Variants in DLG2 observed in about 807,000 individuals in gnomAD.
DLG2 encodes disks large homolog 2.
DLG2 carries 45 observed loss-of-function variants against 132.5 expected under a neutral mutation model. That is an observed-to-expected ratio of 0.34 (90% CI 0.27 to 0.44). The LOEUF (loss-of-function observed/expected upper bound fraction) is 0.44. DLG2 is among the 20% of genes least tolerant of loss of function. DLG2 has a pLI of 1.00. For synonymous variants in DLG2, 424 were observed against 419.6 expected (o/e 1.01, Z -0.13); for missense variants, 1,045 against 1,196.9 (o/e 0.87, Z 1.87).
At chr11:83,827,289 T>C (rs2153990449) in intron 17 of DLG2, among the ~76,000 whole-genome samples, 1 of 152,258 alleles carries the variant, frequency 6.6e-6, no homozygotes, top group Admixed American at 6.5e-5. Flanking sequence ...TACCCCAAGA[T>C]GGAGAATAGT....
intron 6 of DLG2, among the ~76,000 whole-genome samples, chr11:85,100,980 G>A (rs537832284): frequency 3.0e-4 from 46 of 152,232 alleles, no homozygotes; most frequent in African/African-American, 1.1e-3. Flanking sequence ...TAATTCTGAT[G>A]TCTTCTCCAA....
intron 3 of DLG2, among the ~76,000 whole-genome samples, chr11:85,595,293 A>T (rs617246): frequency 1 from 152,163 of 152,168 alleles, 76,079 homozygotes; most frequent in Non-Finnish European, 1. Flanking sequence ...TTTGTTTTGG[A>T]ATATTAATGA....
At chr11:84,821,651 C>CAAAAAA (rs1452375406) in intron 6 of DLG2, among the ~76,000 whole-genome samples, 1 of 121,032 alleles carries the variant, frequency 8.3e-6, no homozygotes, top group Non-Finnish European at 1.8e-5. Context: ...ACAACAACAA[C>CAAAAAA]AAAAAAAACA....
chr11:85,128,628 A>G (rs2075389114), intron 5 of DLG2, among the ~76,000 whole-genome samples: 1 of 152,128 alleles, frequency 6.6e-6, no homozygotes, highest in Non-Finnish European at 1.5e-5. Context: ...ATCCAGAACT[A>G]TTGTCCTATT....
intron 6 of DLG2, among the ~76,000 whole-genome samples, chr11:85,028,124 AG>A (rs1210700649): frequency 2.0e-5 from 3 of 151,894 alleles, no homozygotes; most frequent in African/African-American, 7.3e-5. Flanking sequence ...GTCAATGAAG[AG>A]GGATCTGCAG....
At chr11:83,912,417 A>G (rs2076229627) in intron 15 of DLG2, among the ~76,000 whole-genome samples, 1 of 152,098 alleles carries the variant, frequency 6.6e-6, no homozygotes, top group Non-Finnish European at 1.5e-5. Context: ...GTTCAAACAC[A>G]GTGTCTACCA....
intron 3 of DLG2, among the ~76,000 whole-genome samples, chr11:85,342,859 T>C (rs1163125077): frequency 6.6e-6 from 1 of 152,226 alleles, no homozygotes; most frequent in Non-Finnish European, 1.5e-5. Context: ...AAGCTTAATA[T>C]GTGTATGTAA....
At chr11:84,615,854 C>A (rs971612836) in intron 6 of DLG2, among the ~76,000 whole-genome samples, 1 of 121,884 alleles carries the variant, frequency 8.2e-6, no homozygotes, top group Non-Finnish European at 1.7e-5. Flanking sequence ...CATTCCAGTA[C>A]CCCATGTAAT....
At chr11:84,316,979 G>T (rs779269742) in intron 7 of DLG2, 1 of 1,612,806 alleles carries the variant, frequency 6.2e-7, no homozygotes, top group Non-Finnish European at 8.5e-7. Context: ...TGGGCCCCCT[G>T]GTCCTGAGGA....
At chr11:84,515,332 C>G (rs1035860472) in intron 7 of DLG2, among the ~76,000 whole-genome samples, 1 of 149,958 alleles carries the variant, frequency 6.7e-6, no homozygotes, top group Non-Finnish European at 1.5e-5. Context: ...ATATATGCAG[C>G]CTACGAAACC....
chr11:84,782,391 C>T (rs982055649), intron 6 of DLG2, among the ~76,000 whole-genome samples: 19 of 151,952 alleles, frequency 1.3e-4, no homozygotes, highest in Admixed American at 1.2e-3. Context: ...TGGCTTCCTA[C>T]CCACCCACCT....
intron 14 of DLG2, among the ~76,000 whole-genome samples, chr11:83,943,775 C>T (rs923544125): frequency 5.3e-5 from 8 of 152,312 alleles, no homozygotes; most frequent in Non-Finnish European, 1.2e-4. Flanking sequence ...TTAGAAAACA[C>T]ATTGGGAGGC....
At chr11:84,477,005 A>C (rs1413454215) in intron 7 of DLG2, among the ~76,000 whole-genome samples, 1 of 152,186 alleles carries the variant, frequency 6.6e-6, no homozygotes, top group African/African-American at 2.4e-5. Flanking sequence ...GATAACAAAT[A>C]CAGTAATCTT....
chr11:84,127,328 A>G (rs1016903578), intron 9 of DLG2, among the ~76,000 whole-genome samples: 3 of 152,264 alleles, frequency 2.0e-5, no homozygotes, highest in South Asian at 2.1e-4. Flanking sequence ...CAGTGATCAA[A>G]AGGTTTTCCT....
intron 8 of DLG2, among the ~76,000 whole-genome samples, chr11:84,231,280 T>C (rs1443508646): frequency 6.6e-6 from 1 of 152,228 alleles, no homozygotes; most frequent in Non-Finnish European, 1.5e-5. Flanking sequence ...AGAATGATGC[T>C]GGATCTTAAC....
chr11:84,689,121 G>T (rs531553479), intron 6 of DLG2, among the ~76,000 whole-genome samples: 16 of 152,184 alleles, frequency 1.1e-4, no homozygotes, highest in African/African-American at 3.9e-4. Flanking sequence ...ATTCAAAAAC[G>T]TAAATAACTA....
At chr11:83,515,453 G>A (rs983429094) in intron 21 of DLG2, among the ~76,000 whole-genome samples, 1 of 152,058 alleles carries the variant, frequency 6.6e-6, no homozygotes, top group African/African-American at 2.4e-5. Flanking sequence ...TATCGATTTT[G>A]TTGATCTTTT....
chr11:85,337,336 G>A (rs1022489960), intron 3 of DLG2, among the ~76,000 whole-genome samples: 4 of 151,786 alleles, frequency 2.6e-5, no homozygotes, highest in Non-Finnish European at 4.4e-5. Context: ...CTCCTGTCTC[G>A]GCTTCCCAAA....
intron 18 of DLG2, among the ~76,000 whole-genome samples, chr11:83,660,212 C>T (rs528138499): frequency 6.6e-6 from 1 of 152,124 alleles, no homozygotes; most frequent in Non-Finnish European, 1.5e-5. Context: ...CTTAGGAGCT[C>T]TTAGCCCAGT....
Sources: allele counts gnomAD v4.1 joint callset (sites outside exome capture counted in the v4.1 genomes callset), GRCh38; gene constraint gnomAD v4.1.1; transcripts MANE v1.5; gene names NCBI Gene and HGNC (gene_info 2026-07-23, HGNC 2026-07-21).